Variants in PCDHA5 observed in about 807,000 individuals in gnomAD.
PCDHA5 encodes the protein protocadherin alpha 5.
Under a neutral mutation model 61.6 loss-of-function variants are expected in PCDHA5, and 43 were observed. That is an observed-to-expected ratio of 0.70 (90% CI 0.55 to 0.90). The LOEUF is 0.90. Ranked by LOEUF, PCDHA5 falls within the 40% of genes least tolerant of loss-of-function variation. The pLI is 0.00. For missense variants in PCDHA5, 1,298 were observed against 1,222.7 expected (o/e 1.06, Z -0.92); for synonymous variants, 627 against 543.9 (o/e 1.15, Z -2.13).
chr5:140,848,483 C>A, intron 1 of PCDHA5: 1 of 1,570,024 alleles, frequency 6.4e-7, no homozygotes, highest in Non-Finnish European at 8.7e-7. Context: ...TAGAAGAAGA[C>A]TGAGTATTTG....
At chr5:140,877,738 C>G (rs539793128) in intron 1 of PCDHA5, 1 of 1,614,164 alleles carries the variant, frequency 6.2e-7, no homozygotes, top group African/African-American at 1.3e-5. Flanking sequence ...GCAGAGGAGG[C>G]AGAGGGTGTG....
intron 1 of PCDHA5, among the ~76,000 whole-genome samples, chr5:140,935,636 G>A (rs1554210607): frequency 6.6e-6 from 1 of 152,052 alleles, no homozygotes; most frequent in African/African-American, 2.4e-5. Context: ...TTTAGGGCTT[G>A]CTTTTTAAAT....
At chr5:140,862,916 G>T (rs1581662111) in intron 1 of PCDHA5, 1 of 547,888 alleles carries the variant, frequency 1.8e-6, no homozygotes, top group Non-Finnish European at 3.5e-6. Context: ...CTGGCGCCTT[G>T]GGTGGGCTGG....
chr5:140,828,863 G>T, intron 1 of PCDHA5: 1 of 1,614,202 alleles, frequency 6.2e-7, no homozygotes, highest in Non-Finnish European at 8.5e-7. Flanking sequence ...TGCAGACAAC[G>T]GAACAACAGT....
At chr5:140,851,219 C>A (rs2041993259) in intron 1 of PCDHA5, 5 of 1,147,562 alleles carry the variant, frequency 4.4e-6, no homozygotes, top group Non-Finnish European at 4.5e-6. Context: ...ACATTAACAT[C>A]ACTATCATTT....
At position 140,856,216 on chromosome 5, in the gene PCDHA5, G is replaced by A. The variant is rs782147679; in HGVS notation, c.2352+32089G>A. ...CGCAGGACCTGGGGCTGGAGCTGGC[G>A]GAGCTGGTGCAGCGCCTGTTCCGGG... On this transcript the variant is annotated intron_variant, in intron 1 of 3. Coordinates refer to ENST00000529859, the MANE Select transcript of PCDHA5 (RefSeq NM_018908.3). The A allele has an allele frequency of 8.1e-6, 13 of 1,597,922 alleles. 1 individual carries two copies. The Admixed American group carries it at 1.5e-4, about 19-fold the overall frequency.
rs116232949 is a variant in PCDHA5, at chr5:140,982,448, G to A, written c.2412-27G>A. The A allele has an allele frequency of 4.0e-3, 6,396 of 1,613,770 alleles. 180 individuals carry two copies. In the African/African-American group the frequency reaches 0.067, roughly 17 times the overall value. ...ATGGGAAAGAATTTATGATCTAACC[G>A]TTATCTGGGTCTGTGTGTTTATTCA... On this transcript the variant is annotated intron_variant, in intron 2 of 3. Coordinates refer to ENST00000529859, the MANE Select transcript of PCDHA5 (RefSeq NM_018908.3).
intron 3 of PCDHA5, among the ~76,000 whole-genome samples, chr5:141,006,373 G>A (rs550999366): frequency 1.1e-4 from 17 of 151,910 alleles, no homozygotes; most frequent in African/African-American, 3.1e-4. Context: ...CACCACGCCC[G>A]GCTAAGTTTT....
intron 1 of PCDHA5, chr5:140,967,445 C>T (rs782571799): frequency 3.1e-6 from 5 of 1,613,550 alleles, no homozygotes; most frequent in Non-Finnish European, 4.2e-6. Flanking sequence ...CCACCTGGTT[C>T]TCACAGCCGT....
chr5:140,850,124 G>C lies in PCDHA5; in HGVS notation c.2352+25997G>C, dbSNP rs1321633502. On this transcript the variant is annotated intron_variant, in intron 1 of 3. Coordinates refer to ENST00000529859, the MANE Select transcript of PCDHA5 (RefSeq NM_018908.3). ...TGAGCGCGCGCGACGCGGGCGTGCCGCCTCTGGGCAGCAACGTGACGCTGC... is the reference window on the plus strand; with the variant it reads ...TGAGCGCGCGCGACGCGGGCGTGCCCCCTCTGGGCAGCAACGTGACGCTGC... The C allele has an allele frequency of 1.9e-6, 3 of 1,595,828 alleles. 1 individual carries two copies. The highest frequency in any genetic ancestry group is 2.7e-5 in the African/African-American group (2 of 74,384).
rs2042132176 is a variant in PCDHA5, at chr5:140,851,700, G to A, written c.2352+27573G>A. On this transcript the variant is annotated intron_variant, in intron 1 of 3. Transcript: ENST00000529859. ...TCTCCATTCAGTGATAAAATGATCA[G>A]CCATGTGAAGATTCGAAACTTCGAG... 4.2e-6 allele frequency: 4 copies of A among 943,922 alleles called. 1 individual carries two copies. Among genetic ancestry groups the A allele is most frequent in the Admixed American group, 1.3e-4 (2 of 15,858 alleles). The allele number at this position is 943,922 out of a possible 1,614,324, so 58.5% of individuals were successfully genotyped here. A position where few individuals can be genotyped will look rare whatever the true frequency, so the allele number is the denominator to read the frequency against.
intron 1 of PCDHA5, chr5:140,883,801 C>G: frequency 3.1e-6 from 5 of 1,612,430 alleles, no homozygotes; most frequent in Non-Finnish European, 4.2e-6. Flanking sequence ...TGTCGGTGCA[C>G]GCGGAGAGCG....
At chr5:140,882,584 C>G (rs1554174685) in intron 1 of PCDHA5, 5 of 1,614,238 alleles carry the variant, frequency 3.1e-6, no homozygotes, top group South Asian at 1.1e-5. Flanking sequence ...CAGCATCCAC[C>G]TGGAGGTGAT....
chr5:140,835,863 CT>C (rs1338277254), intron 1 of PCDHA5: 1 of 1,612,100 alleles, frequency 6.2e-7, no homozygotes, highest in Non-Finnish European at 8.5e-7. Flanking sequence ...GTCCTACTCG[CT>C]GGTGGAGCTG....
chr5:140,823,174 A>T lies in PCDHA5; in HGVS notation c.1399A>T (p.Asn467Tyr). The T allele has an allele frequency of 6.2e-7, 1 of 1,613,916 alleles. No homozygotes were observed. Among genetic ancestry groups the T allele is most frequent in the Non-Finnish European group, 8.5e-7 (1 of 1,179,872 alleles). The change falls in exon 1 of 4, where the codon AAC becomes TAC. Residue 467 changes from asparagine (N) to tyrosine (Y), a missense_variant. Transcript: ENST00000529859. ...GTATACCGTGTTCGTGAAGGAGAAC[A>T]ACCCGCCAGGCTGCCACATCTTCAC... is the stretch of plus-strand genomic sequence containing the variant. ...PQYTVFVKEN[N>Y]PPGCHIFTVS...
chr5:140,824,573 G>A (rs1383380064), intron 1 of PCDHA5: 2 of 157,802 alleles, frequency 1.3e-5, no homozygotes, highest in East Asian at 1.7e-4. Context: ...TATCTCAGCC[G>A]CCCAAGTAGC....
chr5:140,871,292 C>A (rs2052919411), intron 1 of PCDHA5: 2 of 1,613,772 alleles, frequency 1.2e-6, no homozygotes, highest in Non-Finnish European at 8.5e-7. Flanking sequence ...ACTGAGGGCG[C>A]GTGCGCGCCG....
At chr5:140,876,524 T>A in intron 1 of PCDHA5, 1 of 1,614,136 alleles carries the variant, frequency 6.2e-7, no homozygotes, top group Non-Finnish European at 8.5e-7. Flanking sequence ...CCTGAAGTAA[T>A]GGTTACTTCA....
chr5:140,876,723 C>G, intron 1 of PCDHA5: 2 of 1,614,250 alleles, frequency 1.2e-6, no homozygotes, highest in African/African-American at 2.7e-5. Flanking sequence ...ACCGCGAGAG[C>G]GTGTCGGCCT....
Sources: gnomAD v4.1 joint callset for allele counts (sites outside exome capture counted in the v4.1 genomes callset) on GRCh38, gnomAD v4.1.1 for gene constraint, MANE v1.5 for transcripts, NCBI Gene and HGNC (gene_info 2026-07-23, HGNC 2026-07-21) for gene names.